EHMT1: variants seen among roughly 807,000 people sequenced by gnomAD.
EHMT1 encodes histone-lysine N-methyltransferase EHMT1.
Under a neutral mutation model 147.2 loss-of-function variants are expected in EHMT1, and 15 were observed. The ratio of observed to expected loss-of-function variants is 0.10; its 90% confidence interval spans 0.07 to 0.16. The LOEUF is 0.16. Among genes scored for constraint, EHMT1 ranks in the 10% least tolerant of loss-of-function variants. EHMT1 has a pLI of 1.00. For synonymous variants in EHMT1, 795 were observed against 709.6 expected, an observed-to-expected ratio of 1.12 and a Z score of -1.91; for missense variants, 1,587 against 1,772.4, an observed-to-expected ratio of 0.90 and a Z score of 1.88.
chr9:137,705,884 C>G (rs1484611547), intron 1 of EHMT1, among the ~76,000 whole-genome samples: 3 of 152,250 alleles, frequency 2.0e-5, no homozygotes, highest in Non-Finnish European at 2.9e-5. Flanking sequence ...CGGTCCCCTC[C>G]TCTCCCCACA....
chr9:137,718,908 A>G (rs1456246056), intron 3 of EHMT1, among the ~76,000 whole-genome samples: 1 of 151,248 alleles, frequency 6.6e-6, no homozygotes, highest in Non-Finnish European at 1.5e-5. Context: ...GGCGCCTACC[A>G]CCACACCTGG....
rs1383377324 is a variant in EHMT1 at position 137,784,559 on chromosome 9, TTCTC to T, written c.2382+2166_2382+2169del. On this transcript the variant is annotated intron_variant, in intron 15 of 26. Transcript: ENST00000460843. ...TTTTATTTTGATTTTGCCATTTCTC[TTCTC>T]TCTGTTAGTTACAAACTTTCCAGTT... is the stretch of plus-strand genomic sequence containing the variant. The T allele has an allele frequency of 5.2e-5, 24 of 462,698 alleles. No homozygotes were observed. In the Admixed American group the frequency reaches 8.0e-4, roughly 15 times the overall value. The allele number at this position is 462,698 out of a possible 1,614,324, so 28.7% of individuals were successfully genotyped here. A position where few individuals can be genotyped will look rare whatever the true frequency, so the allele number is the denominator to read the frequency against.
intron 1 of EHMT1, among the ~76,000 whole-genome samples, chr9:137,685,096 A>T (rs1171108706): frequency 6.6e-6 from 1 of 152,078 alleles, no homozygotes; most frequent in African/African-American, 2.4e-5. Context: ...AAGTATACTT[A>T]ACATAAATTT....
intron 1 of EHMT1, among the ~76,000 whole-genome samples, chr9:137,677,128 C>T (rs1174998482): frequency 6.6e-6 from 1 of 151,956 alleles, no homozygotes; most frequent in Non-Finnish European, 1.5e-5. Context: ...CACAGCCAGC[C>T]ACTGACTGGA....
rs780261722 is a variant in EHMT1, at chr9:137,790,262, G to T, written c.2383-586G>T. On this transcript the variant is annotated intron_variant, in intron 15 of 26. Transcript: ENST00000460843. ...AAAAGGTTTCAACAGCCAAACAGCT[G>T]ATTGGCTTTTAGCACACAACCAATT... Among the ~76,000 whole-genome samples the T allele has an allele frequency of 2.7e-3, 413 of 152,310 alleles. 3 individuals carry two copies. The highest frequency in any genetic ancestry group is 5.7e-3 in the Admixed American group (87 of 15,298).
At chr9:137,834,327 G>T in intron 25 of EHMT1, 22 bp from the exon 26 acceptor site, 2 of 1,602,704 alleles carry the variant, frequency 1.2e-6, no homozygotes, top group Non-Finnish European at 1.7e-6. Context: ...ACTGCAGCCC[G>T]TGCCGGCTTC....
intron 1 of EHMT1, among the ~76,000 whole-genome samples, chr9:137,658,449 C>T (rs530170982): frequency 2.0e-5 from 3 of 152,184 alleles, no homozygotes; most frequent in South Asian, 2.1e-4. Flanking sequence ...CCGCACCCAG[C>T]GCCCAGAATG....
intron 13 of EHMT1, among the ~76,000 whole-genome samples, chr9:137,778,513 G>A (rs1224423799): frequency 1.3e-5 from 2 of 152,214 alleles, no homozygotes; most frequent in African/African-American, 4.8e-5. Flanking sequence ...CAGGGAGGCA[G>A]ACCAGACTGT....
At chr9:137,827,255 A>AGT (rs1955869418) in intron 25 of EHMT1, among the ~76,000 whole-genome samples, 1 of 152,162 alleles carries the variant, frequency 6.6e-6, no homozygotes, top group African/African-American at 2.4e-5. Flanking sequence ...AGTGTCCCTA[A>AGT]GTCCAGGGCA....
chr9:137,779,345 G>T (rs185418313), intron 13 of EHMT1, among the ~76,000 whole-genome samples: 4 of 152,254 alleles, frequency 2.6e-5, no homozygotes, highest in Non-Finnish European at 5.9e-5. Context: ...CTGTCGTCGT[G>T]TTGTGTAAAA....
intron 4 of EHMT1, among the ~76,000 whole-genome samples, chr9:137,737,182 A>C (rs1427488507): frequency 6.6e-6 from 1 of 152,202 alleles, no homozygotes; most frequent in African/African-American, 2.4e-5. Flanking sequence ...ACTGCACTTT[A>C]GCCTAGGTGA....
intron 16 of EHMT1, among the ~76,000 whole-genome samples, chr9:137,797,032 ACAT>A (rs1470756396): frequency 6.6e-6 from 1 of 152,166 alleles, no homozygotes; most frequent in African/African-American, 2.4e-5. Context: ...GGGTGTAAAA[ACAT>A]CATTTATGGA....
intron 1 of EHMT1, among the ~76,000 whole-genome samples, chr9:137,623,804 T>G (rs1316168421): frequency 6.6e-6 from 1 of 152,156 alleles, no homozygotes; most frequent in African/African-American, 2.4e-5. Context: ...CTCCAATATC[T>G]TTCAGTTTTC....
intron 1 of EHMT1, among the ~76,000 whole-genome samples, chr9:137,677,605 T>G (rs1220935586): frequency 6.6e-6 from 1 of 151,978 alleles, no homozygotes; most frequent in Non-Finnish European, 1.5e-5. Context: ...TTTTCTATTT[T>G]TAGTAGAGAC....
At chr9:137,789,219 C>G (rs1195827114) in intron 15 of EHMT1, 2 of 152,452 alleles carry the variant, frequency 1.3e-5, no homozygotes, top group Non-Finnish European at 2.9e-5. Context: ...CCCATCGTCC[C>G]CTATGCTCCG....
chr9:137,629,826 G>A (rs936067994), intron 1 of EHMT1, among the ~76,000 whole-genome samples: 2 of 152,166 alleles, frequency 1.3e-5, no homozygotes, highest in Non-Finnish European at 2.9e-5. Context: ...CACCGCACCC[G>A]GCTGAGAATA....
rs766141140 is a variant in EHMT1 at position 137,716,933 on chromosome 9, C to T, written c.393C>T (p.Ala131=). The change falls in exon 3 of 27, where the codon GCC becomes GCT. Residue 131 remains alanine (A), a synonymous_variant. Transcript: ENST00000460843. The part of the protein sequence containing the change: ...GSNGYILNKP[A]LQAQPLRTTS... ...ACGGATACATCTTAAATAAGCCGGC[C>T]CTACAGGCACAGCCCTTGAGGACTA... is the stretch of plus-strand genomic sequence containing the variant. 9.3e-6 allele frequency: 15 copies of T among 1,612,822 alleles called. No homozygotes were observed. The Admixed American group carries it at 1.8e-4, about 20-fold the overall frequency.
intron 1 of EHMT1, among the ~76,000 whole-genome samples, chr9:137,664,535 A>C (rs1481163118): frequency 1.3e-5 from 2 of 151,612 alleles, no homozygotes; most frequent in Non-Finnish European, 2.9e-5. Flanking sequence ...CTGGGATTAC[A>C]GGCGTGAGCA....
chr9:137,645,299 T>C (rs934279352), intron 1 of EHMT1, among the ~76,000 whole-genome samples: 1 of 152,296 alleles, frequency 6.6e-6, no homozygotes, highest in Non-Finnish European at 1.5e-5. Flanking sequence ...TTTATTGATT[T>C]ACATATGTTT....
Sources: allele counts gnomAD v4.1 joint callset (sites outside exome capture counted in the v4.1 genomes callset), GRCh38; gene constraint gnomAD v4.1.1; transcripts MANE v1.5; gene names NCBI Gene and HGNC (gene_info 2026-07-23, HGNC 2026-07-21).